The following NUTM2E variants were observed in gnomAD, a reference collection of about 807,000 sequenced individuals.
NUTM2E encodes NUT family member 2E.
A neutral mutation model predicts 26.1 loss-of-function variants in NUTM2E; 3 were observed. That is an observed-to-expected ratio of 0.12 (90% CI 0.05 to 0.30). The LOEUF is 0.30. NUTM2E is among the 10% of genes least tolerant of loss of function. NUTM2E has a pLI of 1.00. For synonymous variants in NUTM2E, 13 were observed against 157.5 expected, an observed-to-expected ratio of 0.08 and a Z score of 6.87; for missense variants, 62 against 381.3, an observed-to-expected ratio of 0.16 and a Z score of 6.97.
rs1841992609 is a variant in NUTM2E, at chr10:79,840,600, G to A, written c.-1141G>A. On this transcript the variant is annotated 5_prime_UTR_variant, in exon 4 of 10. Transcript: ENST00000429984. ...CAGTGGGGGAGAACCCTGGGCTTGA[G>A]ACTTGCAATCCACCACTTGCCCCTG... 6.7e-6 allele frequency among the ~76,000 whole-genome samples: 1 copy of A among 148,176 alleles called. No individual in the cohort carries two copies.
intron 1 of NUTM2E, among the ~76,000 whole-genome samples, chr10:79,832,211 C>T (rs1841931748): frequency 6.6e-6 from 1 of 151,702 alleles, no homozygotes; most frequent in African/African-American, 2.4e-5. Context: ...CTTACACAAC[C>T]ATTTTTCTCA....
intron 1 of NUTM2E, among the ~76,000 whole-genome samples, chr10:79,832,162 C>T (rs1841931477): frequency 6.6e-6 from 1 of 151,986 alleles, no homozygotes; most frequent in African/African-American, 2.4e-5. Context: ...TTTGAAGGCA[C>T]ATAGACATTC....
rs1841980728 is a variant in NUTM2E, at chr10:79,838,841, GCTGCGCGTCTCC to G, written c.-2383_-2372del. On this transcript the variant is annotated 5_prime_UTR_variant, in exon 3 of 10. Coordinates refer to ENST00000429984, the MANE Select transcript of NUTM2E (RefSeq NM_001355263.2). The stretch of plus-strand genomic sequence containing the variant: ...TTGGGTCACCGCCCTTTGCTCTCGC[GCTGCGCGTCTCC>G]CTGCCATCAACCGCCGCAACTGGCG... 6.6e-6 allele frequency among the ~76,000 whole-genome samples: 1 copy of G among 151,398 alleles called. No individual in the cohort carries two copies. The highest frequency in any genetic ancestry group is 1.5e-5 in the Non-Finnish European group (1 of 67,778).
At chr10:79,830,129 A>G (rs551025526) in intron 1 of NUTM2E, among the ~76,000 whole-genome samples, 3,552 of 151,756 alleles carry the variant, frequency 0.023, 82 homozygotes, top group Middle Eastern at 0.052. Context: ...TTAACATTAC[A>G]TATGCAGGAC....
Position 79,850,732 on chromosome 10 carries a change from AG to A in NUTM2E, c.*130del. On this transcript the variant is annotated 3_prime_UTR_variant, in exon 10 of 10. Transcript: ENST00000429984. ...TTGCTGGGCCTTAGCTTTGGAGGGT[AG>A]GGGAGGGAGGGGAGGGAGAGGGTGG... The A allele has an allele frequency of 7.9e-6, 1 of 127,076 alleles. No individual in the cohort carries two copies. The highest frequency in any genetic ancestry group is 1.8e-5 in the Non-Finnish European group (1 of 55,250). The allele number at this position is 127,076 out of a possible 1,614,324, so 7.9% of individuals were successfully genotyped here.
intron 1 of NUTM2E, among the ~76,000 whole-genome samples, chr10:79,828,405 G>T (rs570468695): frequency 6.6e-6 from 1 of 151,948 alleles, no homozygotes; most frequent in South Asian, 2.1e-4. Flanking sequence ...ATCCACTGAA[G>T]ACCTACATTT....
At position 79,850,476 on chromosome 10, in the gene NUTM2E, G is replaced by A. The variant is rs434053; in HGVS notation, c.2507G>A (p.Arg836Gln). 18 of 679,040 alleles carry A rather than the reference G, an allele frequency of 2.7e-5. 7 individuals carry two copies. The highest frequency in any genetic ancestry group is 7.1e-5 in the East Asian group (2 of 28,180). 42.1% of individuals were successfully genotyped at this position (679,040 alleles called of 1,614,324 possible). ...TCCCCTGCTGAAAAGACACCCCACC[G>A]AGGGCCTGGGCTCAGGGTCTCTGGG... ...SLSPAEKTPHRGPGLRVSGEQ... is the reference protein window; with the variant it reads ...SLSPAEKTPHQGPGLRVSGEQ... The change falls in exon 10 of 10, where the codon CGA becomes CAA. Residue 836 changes from arginine to glutamine, a missense_variant. Coordinates refer to ENST00000429984, the MANE Select transcript of NUTM2E (RefSeq NM_001355263.2).
At chr10:79,828,163 C>T (rs1811216596) in intron 1 of NUTM2E, among the ~76,000 whole-genome samples, 1 of 151,372 alleles carries the variant, frequency 6.6e-6, no homozygotes, top group African/African-American at 2.4e-5. Flanking sequence ...AGGATGTAAG[C>T]ATAATTTAAG....
intron 1 of NUTM2E, among the ~76,000 whole-genome samples, chr10:79,836,575 T>G (rs1403633030): frequency 1.3e-5 from 2 of 151,944 alleles, no homozygotes; most frequent in Admixed American, 1.3e-4. Flanking sequence ...TCACTATTGT[T>G]CAGTAGCATA....
intron 1 of NUTM2E, among the ~76,000 whole-genome samples, chr10:79,834,925 C>G (rs886581795): frequency 5.3e-5 from 8 of 151,334 alleles, no homozygotes; most frequent in East Asian, 1.9e-4. Context: ...TTATCTTTCT[C>G]TCTGTGTGTT....
intron 1 of NUTM2E, among the ~76,000 whole-genome samples, chr10:79,827,944 C>T (rs1239643051): frequency 6.6e-6 from 1 of 151,316 alleles, no homozygotes; most frequent in Non-Finnish European, 1.5e-5. Context: ...CAGGCATGCA[C>T]CACCGCGCCC....
intron 5 of NUTM2E, among the ~76,000 whole-genome samples, chr10:79,845,538 C>G (rs1370777347): frequency 1.9e-5 from 2 of 107,748 alleles, no homozygotes; most frequent in Admixed American, 8.5e-5. Context: ...CATTACATGA[C>G]AGCAGTTACG....
chr10:79,826,931 C>G lies in NUTM2E; in HGVS notation c.-3154C>G, dbSNP rs1443860381. 2 of 150,402 alleles carry G rather than the reference C, an allele frequency of 1.3e-5. No homozygotes were observed. Among genetic ancestry groups the G allele is most frequent in the Non-Finnish European group, 3.0e-5 (2 of 67,456 alleles). The allele number at this position is 150,402 out of a possible 1,614,324, so 9.3% of individuals were successfully genotyped here. A position where few individuals can be genotyped will look rare whatever the true frequency, so the allele number is the denominator to read the frequency against. ...CCGGGTCGGGGTGTCGGCCGGGTTG[C>G]TGCCGGGCACCGTCGAGCGTTAGCC... On this transcript the variant is annotated 5_prime_UTR_variant, in exon 1 of 10. Transcript: ENST00000429984.
intron 1 of NUTM2E, among the ~76,000 whole-genome samples, chr10:79,829,065 G>A (rs1487449634): frequency 1.3e-5 from 2 of 151,808 alleles, no homozygotes; most frequent in Admixed American, 6.6e-5. Flanking sequence ...ATTCTATCAA[G>A]CTCTATTCTC....
At chr10:79,830,319 A>G (rs541597252) in intron 1 of NUTM2E, among the ~76,000 whole-genome samples, 9 of 151,874 alleles carry the variant, frequency 5.9e-5, no homozygotes, top group African/African-American at 2.2e-4. Context: ...CCAATCATAC[A>G]TAACTGAAGA....
Position 79,849,380 on chromosome 10 carries a change from G to A in NUTM2E, c.1744G>A (p.Val582Ile), listed in dbSNP as rs758884581. The A allele has an allele frequency of 4.4e-4, 274 of 623,180 alleles. 2 individuals are homozygous for A. Among genetic ancestry groups the A allele is most frequent in the Non-Finnish European group, 5.8e-4 (242 of 418,926 alleles). 38.6% of individuals were successfully genotyped at this position (623,180 alleles called of 1,614,324 possible). ...TTCCTTCTGTTTCCAGGTGGAGGCC[G>A]TCATTCATCCCCAATTCCTGGAAGA... ...QKDFVTKVEAVIHPQFLEELL... is the reference protein window; with the variant it reads ...QKDFVTKVEAIIHPQFLEELL... Residue 582 changes from valine to isoleucine, a missense_variant, in exon 9 of 10, where the codon GTC becomes ATC. Physicochemically the swap from Val to Ile is conservative, Grantham distance 29. Transcript: ENST00000429984.
Position 79,835,848 on chromosome 10 carries a change from AT to A in NUTM2E, c.-2727-2457del, listed in dbSNP as rs769323669. Among the ~76,000 whole-genome samples the A allele has an allele frequency of 1.8e-3, 229 of 127,446 alleles. 3 individuals are homozygous for A. Among genetic ancestry groups the A allele is most frequent in the Non-Finnish European group, 6.3e-4 (38 of 60,146 alleles). 83.6% of individuals were successfully genotyped at this position (127,446 alleles called of 152,430 possible). On this transcript the variant is annotated intron_variant, in intron 1 of 9. Coordinates refer to ENST00000429984, the MANE Select transcript of NUTM2E (RefSeq NM_001355263.2). ...TCTAAAAAACACATCCATTTGTCTTATTTTAAATCCATATTTTAACGTTCAA... is the reference window on the plus strand; with the variant it reads ...TCTAAAAAACACATCCATTTGTCTTATTTAAATCCATATTTTAACGTTCAA...
intron 5 of NUTM2E, among the ~76,000 whole-genome samples, chr10:79,845,387 G>A (rs1374269506): frequency 2.7e-5 from 3 of 113,114 alleles, no homozygotes; most frequent in African/African-American, 8.5e-5. Flanking sequence ...CACTGGGGCC[G>A]ATGCCGGGCA....
intron 1 of NUTM2E, among the ~76,000 whole-genome samples, chr10:79,836,426 A>C (rs1358101636): frequency 1.3e-5 from 2 of 152,042 alleles, no homozygotes; most frequent in East Asian, 3.9e-4. Flanking sequence ...TGAAGAAAAT[A>C]GCTTTTAAAT....
Sources: gnomAD v4.1 joint callset for allele counts (sites outside exome capture counted in the v4.1 genomes callset) on GRCh38, gnomAD v4.1.1 for gene constraint, MANE v1.5 for transcripts, NCBI Gene and HGNC (gene_info 2026-07-23, HGNC 2026-07-21) for gene names.